The following GRM8 variants were observed in gnomAD, a reference collection of about 807,000 sequenced individuals.
GRM8 encodes glutamate metabotropic receptor 8.
In GRM8, 47 loss-of-function variants were observed where a neutral mutation model predicts 87.2. The ratio of observed to expected loss-of-function variants is 0.54; its 90% CI spans 0.43 to 0.69. GRM8 has a LOEUF of 0.69. Among genes scored for constraint, GRM8 ranks in the 30% least tolerant of loss-of-function variants. The probability of loss-of-function intolerance (pLI) is 0.00; values close to 1 mark genes in which losing one functional copy is unlikely to be tolerated. For synonymous variants in GRM8, 396 were observed against 404.5 expected, an observed-to-expected ratio of 0.98 and a Z score of 0.25; for missense variants, 1,019 against 1,139.2, an observed-to-expected ratio of 0.89 and a Z score of 1.52.
chr7:126,779,984 A>G (rs1819889609), intron 6 of GRM8, among the ~76,000 whole-genome samples: 1 of 152,212 alleles, frequency 6.6e-6, no homozygotes, highest in Admixed American at 6.5e-5. Flanking sequence ...GAGACAATGT[A>G]AGGCATCTGG....
intron 8 of GRM8, among the ~76,000 whole-genome samples, chr7:126,537,020 A>G (rs1189854372): frequency 3.3e-5 from 5 of 152,214 alleles, no homozygotes; most frequent in African/African-American, 4.8e-5. Flanking sequence ...GGTAGGTTTC[A>G]TTACATAGGA....
intron 6 of GRM8, among the ~76,000 whole-genome samples, chr7:126,803,022 G>C (rs558512216): frequency 6.6e-6 from 1 of 152,254 alleles, no homozygotes; most frequent in South Asian, 2.1e-4. Context: ...TGAGATGGAG[G>C]CTGATTTAAC....
intron 3 of GRM8, among the ~76,000 whole-genome samples, chr7:127,043,004 C>A (rs908023209): frequency 1.3e-5 from 2 of 152,160 alleles, no homozygotes; most frequent in African/African-American, 4.8e-5. Flanking sequence ...CCAAAAGACA[C>A]ATGAAAAAAG....
chr7:126,999,709 T>C (rs148644775), intron 3 of GRM8, among the ~76,000 whole-genome samples: 90 of 151,912 alleles, frequency 5.9e-4, no homozygotes, highest in African/African-American at 1.7e-3. Flanking sequence ...CCAGTTAAAG[T>C]GGCTTATATC....
intron 7 of GRM8, among the ~76,000 whole-genome samples, chr7:126,610,624 A>C: frequency 6.6e-6 from 1 of 152,318 alleles, no homozygotes; most frequent in East Asian, 1.9e-4. Context: ...CTATCTGTAG[A>C]GTTGTTTACC....
At chr7:126,555,556 A>T (rs1793048745) in intron 8 of GRM8, among the ~76,000 whole-genome samples, 1 of 152,222 alleles carries the variant, frequency 6.6e-6, no homozygotes, top group Non-Finnish European at 1.5e-5. Context: ...TATATTTCAT[A>T]TTCTTATTAA....
chr7:126,618,399 T>C (rs201458856), intron 7 of GRM8, among the ~76,000 whole-genome samples: 1 of 152,164 alleles, frequency 6.6e-6, no homozygotes, highest in African/African-American at 2.4e-5. Context: ...AAGACTTAAA[T>C]GTTAGACCTA....
intron 1 of GRM8, among the ~76,000 whole-genome samples, chr7:127,244,565 T>C (rs1798487421): frequency 6.6e-6 from 1 of 152,202 alleles, no homozygotes; most frequent in Non-Finnish European, 1.5e-5. Context: ...CCAATTTACT[T>C]TGGCAGGATG....
At chr7:127,214,377 A>G (rs983391690) in intron 2 of GRM8, among the ~76,000 whole-genome samples, 1 of 152,256 alleles carries the variant, frequency 6.6e-6, no homozygotes, top group Non-Finnish European at 1.5e-5. Context: ...AACTTTGTAT[A>G]TAATTTAACA....
intron 9 of GRM8, among the ~76,000 whole-genome samples, chr7:126,523,644 C>A (rs186033632): frequency 6.6e-6 from 1 of 152,066 alleles, no homozygotes; most frequent in East Asian, 1.9e-4. Flanking sequence ...ATTACAGGCA[C>A]CTGCAATCAT....
chr7:126,600,328 T>C (rs1043132479), intron 8 of GRM8, among the ~76,000 whole-genome samples: 1 of 152,134 alleles, frequency 6.6e-6, no homozygotes, highest in African/African-American at 2.4e-5. Context: ...ACAGAAAATA[T>C]TGTATTGGCA....
At chr7:126,853,427 T>C (rs931163746) in intron 6 of GRM8, among the ~76,000 whole-genome samples, 3 of 152,212 alleles carry the variant, frequency 2.0e-5, no homozygotes, top group East Asian at 3.9e-4. Context: ...GAGCCTCTAA[T>C]GGACAAGTCT....
intron 2 of GRM8, among the ~76,000 whole-genome samples, chr7:127,215,851 C>T (rs1312775591): frequency 6.6e-6 from 1 of 152,084 alleles, no homozygotes; most frequent in African/African-American, 2.4e-5. Context: ...TACTCTGTTA[C>T]CTCCCAGCTT....
At chr7:126,611,342 A>G (rs970342598) in intron 7 of GRM8, among the ~76,000 whole-genome samples, 3 of 152,216 alleles carry the variant, frequency 2.0e-5, no homozygotes, top group African/African-American at 4.8e-5. Context: ...AGTTGTTGTG[A>G]GAATTAAATA....
At chr7:127,226,883 G>T (rs917648679) in intron 2 of GRM8, among the ~76,000 whole-genome samples, 1 of 152,136 alleles carries the variant, frequency 6.6e-6, no homozygotes, top group Non-Finnish European at 1.5e-5. Context: ...TCCTACGGGT[G>T]GGCTGATGTT....
intron 3 of GRM8, among the ~76,000 whole-genome samples, chr7:126,926,357 T>G (rs1805119291): frequency 6.6e-6 from 1 of 152,182 alleles, no homozygotes; most frequent in African/African-American, 2.4e-5. Context: ...TGTGCTTAAT[T>G]GCCCTCATTC....
intron 3 of GRM8, among the ~76,000 whole-genome samples, chr7:127,000,724 G>A (rs1045450178): frequency 7.9e-5 from 12 of 151,618 alleles, no homozygotes; most frequent in African/African-American, 2.7e-4. Context: ...GGAATGAGGA[G>A]TTATTGCTTA....
At chr7:126,983,703 C>G (rs1241939166) in intron 3 of GRM8, among the ~76,000 whole-genome samples, 1 of 152,152 alleles carries the variant, frequency 6.6e-6, no homozygotes. Flanking sequence ...TAGGGCATCT[C>G]TTAGTATTAC....
At chr7:127,115,154 C>T (rs1288136766) in intron 2 of GRM8, among the ~76,000 whole-genome samples, 2 of 152,224 alleles carry the variant, frequency 1.3e-5, no homozygotes, top group East Asian at 3.9e-4. Context: ...TCCCTCTGAC[C>T]AAATCTATTG....
Sources: allele counts gnomAD v4.1 joint callset (sites outside exome capture counted in the v4.1 genomes callset), GRCh38; gene constraint gnomAD v4.1.1; transcripts MANE v1.5; gene names NCBI Gene and HGNC (gene_info 2026-07-23, HGNC 2026-07-21).